Variants in LRIF1 observed in about 807,000 individuals in gnomAD.
The protein encoded by LRIF1 is ligand-dependent nuclear receptor-interacting factor 1.
In LRIF1, 32 loss-of-function variants were observed where a neutral mutation model predicts 52.7. That is an observed-to-expected ratio of 0.61 (90% CI 0.46 to 0.82). The LOEUF (loss-of-function observed/expected upper bound fraction) is 0.82, where lower values mean the gene tolerates loss of function less well. Ranked by LOEUF, LRIF1 falls within the 40% of genes least tolerant of loss-of-function variation. The pLI is 0.00. For synonymous variants in LRIF1, 323 were observed against 317.4 expected (o/e 1.02, Z -0.19); for missense variants, 887 against 892.0 (o/e 0.99, Z 0.07).
At chr1:110,960,796 C>CT (rs1658918641) in intron 1 of LRIF1, among the ~76,000 whole-genome samples, 1 of 152,182 alleles carries the variant, frequency 6.6e-6, no homozygotes, top group Admixed American at 6.5e-5. Context: ...CCCTACTGTA[C>CT]TGTACCAGCT....
chr1:110,877,809 G>A, the LRIF1 span, among the ~76,000 whole-genome samples: 6 of 152,166 alleles, frequency 3.9e-5, no homozygotes, highest in South Asian at 2.1e-4. Flanking sequence ...CTTTGGCTTC[G>A]TTTTATTTTA....
the LRIF1 span, among the ~76,000 whole-genome samples, chr1:110,935,199 T>G: frequency 6.6e-6 from 1 of 152,126 alleles, no homozygotes; most frequent in Admixed American, 6.6e-5. Flanking sequence ...TCTGAAAAAC[T>G]TTCCCAAAAA....
the LRIF1 span, among the ~76,000 whole-genome samples, chr1:110,904,284 G>A: frequency 6.6e-6 from 1 of 152,190 alleles, no homozygotes; most frequent in Non-Finnish European, 1.5e-5. Flanking sequence ...AGTGAACATA[G>A]GCAGTAGTCA....
At chr1:110,910,695 C>T in the LRIF1 span, among the ~76,000 whole-genome samples, 57 of 152,242 alleles carry the variant, frequency 3.7e-4, no homozygotes, top group Non-Finnish European at 4.6e-4. Context: ...AATACCAAGA[C>T]GATTTCTCAA....
chr1:110,877,786 A>C, the LRIF1 span, among the ~76,000 whole-genome samples: 3 of 152,360 alleles, frequency 2.0e-5, no homozygotes, highest in African/African-American at 7.2e-5. Context: ...ACACGAATAC[A>C]TGAGAGTTGA....
chr1:110,934,084 C>G, the LRIF1 span, among the ~76,000 whole-genome samples: 2 of 152,072 alleles, frequency 1.3e-5, no homozygotes, highest in East Asian at 1.9e-4. Context: ...CTAAACACAC[C>G]CTGGATGAGA....
At chr1:110,946,046 C>A (rs1243486225), downstream of LRIF1, among the ~76,000 whole-genome samples, 1 of 152,068 alleles carries the variant, frequency 6.6e-6, no homozygotes, top group Non-Finnish European at 1.5e-5. Flanking sequence ...ACCTTGTACA[C>A]AAATATACAC....
chr1:110,952,895 T>C (rs532665890), intron 1 of LRIF1, 80 bp from the exon 2 acceptor site: 6 of 783,738 alleles, frequency 7.7e-6, no homozygotes, highest in Non-Finnish European at 1.0e-5. Context: ...TTTGTAAATA[T>C]TTGTAAATAT....
rs1002696153 is a variant in LRIF1, at chr1:110,960,330, TCACA to T, written c.68+3287_68+3290del. 9.2e-5 allele frequency among the ~76,000 whole-genome samples: 14 copies of T among 151,922 alleles called. No homozygotes were observed. The East Asian group carries it at 2.1e-3, about 23-fold the overall frequency. On this transcript the variant is annotated intron_variant, in intron 1 of 3. Transcript: ENST00000369763. ...TATAGTATGTGTGTCTGTCTCTCCC[TCACA>T]CACACACAGACACACTCAAATCACA...
At chr1:110,902,226 T>C in the LRIF1 span, among the ~76,000 whole-genome samples, 105 of 152,328 alleles carry the variant, frequency 6.9e-4, 1 homozygote, top group African/African-American at 2.3e-3. Flanking sequence ...GGATAAAGTC[T>C]AGATTTTTTA....
At chr1:110,917,341 C>T in the LRIF1 span, among the ~76,000 whole-genome samples, 1 of 152,206 alleles carries the variant, frequency 6.6e-6, no homozygotes, top group Admixed American at 6.5e-5. Context: ...CCAGCTCTAA[C>T]ATCAGACAGG....
the LRIF1 span, among the ~76,000 whole-genome samples, chr1:110,877,661 C>G: frequency 6.6e-6 from 1 of 152,130 alleles, no homozygotes; most frequent in Non-Finnish European, 1.5e-5. Flanking sequence ...CTATAAATCG[C>G]CAAATCCTCT....
At chr1:110,927,025 G>C in the LRIF1 span, among the ~76,000 whole-genome samples, 6 of 152,258 alleles carry the variant, frequency 3.9e-5, no homozygotes, top group South Asian at 4.1e-4. Context: ...TTTCAATTAA[G>C]AATGTTGGGA....
chr1:110,890,805 G>A, the LRIF1 span, among the ~76,000 whole-genome samples: 1 of 152,150 alleles, frequency 6.6e-6, no homozygotes, highest in Non-Finnish European at 1.5e-5. Context: ...TCTTCTGGAG[G>A]ATAGCTACTG....
chr1:110,895,939 A>G, the LRIF1 span, among the ~76,000 whole-genome samples: 3 of 152,278 alleles, frequency 2.0e-5, no homozygotes, highest in African/African-American at 7.2e-5. Context: ...AAATTTTATA[A>G]TTTCTTAATA....
the LRIF1 span, chr1:110,894,323 C>T: frequency 1.2e-6 from 2 of 1,613,664 alleles, no homozygotes; most frequent in South Asian, 1.1e-5. Context: ...CTGCTTTGTC[C>T]CAGTTCTTCA....
At chr1:110,894,580 C>G in the LRIF1 span, among the ~76,000 whole-genome samples, 1 of 152,072 alleles carries the variant, frequency 6.6e-6, no homozygotes, top group Non-Finnish European at 1.5e-5. Flanking sequence ...GAGATTGTAT[C>G]TGAGTGGTAT....
intron 1 of LRIF1, among the ~76,000 whole-genome samples, chr1:110,961,523 A>G (rs888460116): frequency 2.0e-5 from 3 of 152,200 alleles, no homozygotes. Flanking sequence ...TTGTACTCTA[A>G]GATTAAATTT....
the LRIF1 span, among the ~76,000 whole-genome samples, chr1:110,892,039 C>T: frequency 1.2e-4 from 19 of 152,082 alleles, no homozygotes; most frequent in African/African-American, 4.1e-4. Flanking sequence ...CATGTGTGAG[C>T]GACTGAAAAG....
Sources: allele counts gnomAD v4.1 joint callset (sites outside exome capture counted in the v4.1 genomes callset), GRCh38; gene constraint gnomAD v4.1.1; transcripts MANE v1.5; gene names NCBI Gene and HGNC (gene_info 2026-07-23, HGNC 2026-07-21).